Variants in LRMDA observed in about 807,000 individuals in gnomAD.
The protein encoded by LRMDA is leucine-rich melanocyte differentiation-associated protein.
Under a neutral mutation model 29.8 loss-of-function variants are expected in LRMDA, and 18 were observed. The observed-to-expected ratio is 0.60, with a 90% CI of 0.42 to 0.90. LRMDA has a LOEUF of 0.90. Ranked by LOEUF, LRMDA falls within the 40% of genes least tolerant of loss-of-function variation. The pLI is 0.00. For missense variants in LRMDA, 273 were observed against 273.9 expected (o/e 1.00, Z 0.02); for synonymous variants, 125 against 109.4 (o/e 1.14, Z -0.89).
At chr10:75,978,327 A>AT (rs1847109362) in intron 2 of LRMDA, among the ~76,000 whole-genome samples, 1 of 152,098 alleles carries the variant, frequency 6.6e-6, no homozygotes, top group African/African-American at 2.4e-5. Context: ...TTCTTAGCAT[A>AT]TTTTCTCATG....
Position 76,365,062 on chromosome 10 carries a change from G to GTATA in LRMDA, c.601+40584_601+40587dup, listed in dbSNP as rs146552376. Among the ~76,000 whole-genome samples the GTATA allele has an allele frequency of 2.6e-3, 253 of 95,918 alleles. 9 individuals are homozygous for GTATA. Among genetic ancestry groups the GTATA allele is most frequent in the African/African-American group, 9.6e-3 (223 of 23,222 alleles). The allele number at this position is 95,918 out of a possible 152,430, so 62.9% of individuals were successfully genotyped here. A position where few individuals can be genotyped will look rare whatever the true frequency, so the allele number is the denominator to read the frequency against. ...TTTTATGGCTGCATAGTATTCCATC[G>GTATA]TATATATATACACACACACACACAT... On this transcript the variant is annotated intron_variant, in intron 6 of 6. Transcript: ENST00000611255.
At chr10:75,503,033 A>G (rs1255035070) in intron 2 of LRMDA, among the ~76,000 whole-genome samples, 1 of 152,124 alleles carries the variant, frequency 6.6e-6, no homozygotes, top group Admixed American at 6.5e-5. Context: ...GACTCAAAAC[A>G]CTGAAGCACC....
chr10:75,617,210 A>T (rs867963904), intron 2 of LRMDA, among the ~76,000 whole-genome samples: 5 of 152,360 alleles, frequency 3.3e-5, no homozygotes, highest in Middle Eastern at 3.4e-3. Context: ...GATCTTGGAC[A>T]GTTCTGGATG....
intron 6 of LRMDA, among the ~76,000 whole-genome samples, chr10:76,489,124 G>A (rs1448385924): frequency 6.6e-6 from 1 of 151,862 alleles, no homozygotes; most frequent in Non-Finnish European, 1.5e-5. Context: ...ATAGAATTCA[G>A]CAGTGAATCC....
intron 2 of LRMDA, among the ~76,000 whole-genome samples, chr10:75,672,706 C>T (rs1841912611): frequency 6.7e-6 from 1 of 148,686 alleles, no homozygotes; most frequent in Non-Finnish European, 1.5e-5. Flanking sequence ...CGTCTCCCAA[C>T]TAGCTGGGAC....
At chr10:76,161,169 A>C (rs1426829380) in intron 5 of LRMDA, among the ~76,000 whole-genome samples, 1 of 152,164 alleles carries the variant, frequency 6.6e-6, no homozygotes, top group African/African-American at 2.4e-5. Context: ...TTGGAGAAAC[A>C]TGAAAAGGGA....
chr10:76,344,902 G>GAAAA (rs202054799), intron 6 of LRMDA, among the ~76,000 whole-genome samples: 19 of 130,756 alleles, frequency 1.5e-4, no homozygotes, highest in South Asian at 4.8e-4. Context: ...AATTTTAAGT[G>GAAAA]AAAAAAAAAA....
intron 2 of LRMDA, among the ~76,000 whole-genome samples, chr10:75,566,552 T>C (rs1001655550): frequency 2.0e-5 from 3 of 152,136 alleles, no homozygotes; most frequent in South Asian, 2.1e-4. Flanking sequence ...CAAACTCCAA[T>C]GGCAATTTCT....
At position 76,160,977 on chromosome 10, in the gene LRMDA, C is replaced by G. The variant is rs374609238; in HGVS notation, c.516+102194C>G. Among the ~76,000 whole-genome samples, 9 of 152,222 alleles carry G rather than the reference C, an allele frequency of 5.9e-5. No individual in the cohort carries two copies. In the East Asian group the frequency reaches 1.5e-3, roughly 26 times the overall value. On this transcript the variant is annotated intron_variant, in intron 5 of 6. Transcript: ENST00000611255. Reference sequence around the variant, plus strand: ...TGTGGGGGCCTGAAACACCCGCAAGCAACCGCAAGGGGTGGGAGGTTACTC... The same window carrying G: ...TGTGGGGGCCTGAAACACCCGCAAGGAACCGCAAGGGGTGGGAGGTTACTC...
chr10:76,159,787 T>C (rs1031714179), intron 5 of LRMDA, among the ~76,000 whole-genome samples: 10 of 152,176 alleles, frequency 6.6e-5, no homozygotes, highest in Admixed American at 1.3e-4. Flanking sequence ...ACCTGAGTTA[T>C]ATGCTGTATG....
chr10:75,626,634 C>G (rs529696472), intron 2 of LRMDA, among the ~76,000 whole-genome samples: 2 of 152,118 alleles, frequency 1.3e-5, no homozygotes, highest in Non-Finnish European at 2.9e-5. Context: ...AATGACAAGT[C>G]CTAAAATCTA....
At chr10:76,089,425 T>C (rs1261197011) in intron 5 of LRMDA, among the ~76,000 whole-genome samples, 1 of 152,134 alleles carries the variant, frequency 6.6e-6, no homozygotes, top group Non-Finnish European at 1.5e-5. Context: ...ATAAAACACA[T>C]AGGAAGATGA....
intron 2 of LRMDA, among the ~76,000 whole-genome samples, chr10:75,931,595 G>T (rs1316387975): frequency 6.6e-6 from 1 of 152,174 alleles, no homozygotes; most frequent in Non-Finnish European, 1.5e-5. Context: ...GATCTGAATG[G>T]AAGGAAAATG....
intron 6 of LRMDA, among the ~76,000 whole-genome samples, chr10:76,345,157 C>T (rs1312964807): frequency 6.7e-6 from 1 of 148,184 alleles, no homozygotes; most frequent in East Asian, 2.0e-4. Context: ...AGCTCCGCCT[C>T]CCGGGTTCAC....
At chr10:75,504,538 G>C (rs369886236) in intron 2 of LRMDA, among the ~76,000 whole-genome samples, 1 of 152,222 alleles carries the variant, frequency 6.6e-6, no homozygotes, top group African/African-American at 2.4e-5. Flanking sequence ...TTGTAAGACA[G>C]CCTCATAGGA....
chr10:75,891,710 A>G (rs1316729698), intron 2 of LRMDA, among the ~76,000 whole-genome samples: 1 of 152,202 alleles, frequency 6.6e-6, no homozygotes, highest in Non-Finnish European at 1.5e-5. Flanking sequence ...CCATGGGGGT[A>G]GTGGGACATG....
rs1848484992 is a variant in LRMDA at position 76,048,865 on chromosome 10, A to G, written c.398+1562A>G. On this transcript the variant is annotated intron_variant, in intron 4 of 6. Transcript: ENST00000611255. The stretch of plus-strand genomic sequence containing the variant: ...AGTGGGTAGGAGCTGAGTTGTCTTG[A>G]CTCTTGAAGCCTCATCAATGCCTAA... Among the ~76,000 whole-genome samples, 8 of 151,968 alleles carry G rather than the reference A, an allele frequency of 5.3e-5. 1 individual carries two copies. In the South Asian group the frequency reaches 1.5e-3, roughly 28 times the overall value.
At chr10:76,347,846 A>G (rs548872792) in intron 6 of LRMDA, among the ~76,000 whole-genome samples, 2 of 152,356 alleles carry the variant, frequency 1.3e-5, no homozygotes, top group South Asian at 2.1e-4. Context: ...TATTGGTATC[A>G]TCATTGGTTT....
At chr10:76,093,440 A>G (rs1251004126) in intron 5 of LRMDA, among the ~76,000 whole-genome samples, 1 of 151,746 alleles carries the variant, frequency 6.6e-6, no homozygotes, top group Non-Finnish European at 1.5e-5. Context: ...TGTGTCCCTT[A>G]TATCTCTCTT....
Sources: gnomAD v4.1 joint callset for allele counts (sites outside exome capture counted in the v4.1 genomes callset) on GRCh38, gnomAD v4.1.1 for gene constraint, MANE v1.5 for transcripts, NCBI Gene and HGNC (gene_info 2026-07-23, HGNC 2026-07-21) for gene names.